The following VPS13D variants were observed in gnomAD, a reference collection of about 807,000 sequenced individuals.
VPS13D encodes the protein intermembrane lipid transfer protein VPS13D.
VPS13D carries 187 observed loss-of-function variants against 461.9 expected under a neutral mutation model. The observed-to-expected ratio is 0.40, with a 90% CI of 0.36 to 0.46. The LOEUF (loss-of-function observed/expected upper bound fraction) is 0.46. Ranked by LOEUF, VPS13D falls within the 20% of genes least tolerant of loss-of-function variation. VPS13D has a pLI of 0.60. For synonymous variants in VPS13D, 1,951 were observed against 1,986.3 expected, an observed-to-expected ratio of 0.98 and a Z score of 0.47; for missense variants, 4,711 against 5,364.9, an observed-to-expected ratio of 0.88 and a Z score of 3.81.
At chr1:12,499,839 A>T (rs1646012038) in intron 68 of VPS13D, 2 of 985,266 alleles carry the variant, frequency 2.0e-6, no homozygotes, top group East Asian at 1.1e-4. Context: ...TGGAGTGAAC[A>T]TTACACTCAT....
At chr1:12,285,990 T>C (rs4494148) in intron 21 of VPS13D, among the ~76,000 whole-genome samples, 4,399 of 47,326 alleles carry the variant, frequency 0.093, 64 homozygotes, top group Middle Eastern at 0.13. Flanking sequence ...TTCCTTTCCT[T>C]TCCTCTCCTC....
rs190819781 is a variant in VPS13D, at chr1:12,446,548, C to T, written c.12334-9450C>T. On this transcript the variant is annotated intron_variant, in intron 65 of 69. Coordinates refer to ENST00000620676, the MANE Select transcript of VPS13D (RefSeq NM_015378.4). ...TTTTGCCTGCTTTCTCTCTATAGTC[C>T]TCTTTCTCTCCATAGTCCTCTTTCT... 2.6e-5 allele frequency among the ~76,000 whole-genome samples: 4 copies of T among 152,214 alleles called. 1 individual carries two copies. The highest frequency in any genetic ancestry group is 5.9e-5 in the Non-Finnish European group (4 of 68,006).
chr1:12,434,621 A>G (rs1459905925), intron 65 of VPS13D, among the ~76,000 whole-genome samples: 2 of 152,064 alleles, frequency 1.3e-5, no homozygotes, highest in Non-Finnish European at 2.9e-5. Flanking sequence ...GCAGCAAACT[A>G]ACTTATTTAT....
intron 67 of VPS13D, among the ~76,000 whole-genome samples, chr1:12,488,782 G>T (rs1245368135): frequency 6.6e-6 from 1 of 152,026 alleles, no homozygotes; most frequent in African/African-American, 2.4e-5. Context: ...TACCAGAGAT[G>T]GTGTATTTCG....
At chr1:12,353,326 G>A (rs1404009893) in intron 46 of VPS13D, among the ~76,000 whole-genome samples, 1 of 151,998 alleles carries the variant, frequency 6.6e-6, no homozygotes, top group East Asian at 1.9e-4. Flanking sequence ...GAGGTCAGGA[G>A]ATCAAGACCA....
chr1:12,381,687 A>C (rs1234759962), intron 57 of VPS13D, among the ~76,000 whole-genome samples: 1 of 152,222 alleles, frequency 6.6e-6, no homozygotes, highest in Non-Finnish European at 1.5e-5. Context: ...TGTTCAAATA[A>C]GGCAGACGCC....
chr1:12,259,686 C>T (rs1046642788), intron 10 of VPS13D, among the ~76,000 whole-genome samples: 8 of 152,102 alleles, frequency 5.3e-5, no homozygotes, highest in African/African-American at 1.4e-4. Context: ...CAAGTAAAGA[C>T]GTAAAATCTC....
At chr1:12,304,835 G>C (rs893662595) in intron 26 of VPS13D, 107 bp downstream of exon 26, 4 of 1,095,430 alleles carry the variant, frequency 3.7e-6, no homozygotes, top group African/African-American at 1.6e-5. Context: ...TTAACGAAGA[G>C]ATAGCATTTC....
chr1:12,366,410 T>C (rs1644035471), intron 52 of VPS13D, among the ~76,000 whole-genome samples: 1 of 152,168 alleles, frequency 6.6e-6, no homozygotes, highest in African/African-American at 2.4e-5. Flanking sequence ...GCTCTAGCAC[T>C]CTCATCCCTA....
intron 62 of VPS13D, among the ~76,000 whole-genome samples, chr1:12,403,553 A>G (rs1644608364): frequency 6.6e-6 from 1 of 152,184 alleles, no homozygotes; most frequent in Non-Finnish European, 1.5e-5. Context: ...CATCTGGATG[A>G]TTTTTTCCAA....
intron 25 of VPS13D, among the ~76,000 whole-genome samples, chr1:12,302,757 C>CT (rs897201709): frequency 9.0e-5 from 13 of 145,206 alleles, no homozygotes; most frequent in East Asian, 2.0e-4. Flanking sequence ...TGCTTATTAA[C>CT]TTTTTTTTTT....
intron 1 of VPS13D, among the ~76,000 whole-genome samples, chr1:12,232,637 CTTTTT>C (rs772757546): frequency 2.3e-4 from 16 of 71,020 alleles, no homozygotes; most frequent in African/African-American, 6.6e-4. Context: ...TAAAATTAGT[CTTTTT>C]TTTTTTTTTT....
chr1:12,360,623 T>C (rs1367219858), intron 50 of VPS13D, among the ~76,000 whole-genome samples: 1 of 152,208 alleles, frequency 6.6e-6, no homozygotes, highest in East Asian at 1.9e-4. Context: ...ATAATGTTGA[T>C]TTCTGACAAT....
At chr1:12,438,662 T>C (rs547448146) in intron 65 of VPS13D, among the ~76,000 whole-genome samples, 1 of 152,278 alleles carries the variant, frequency 6.6e-6, no homozygotes, top group African/African-American at 2.4e-5. Context: ...TCCTCCTCCC[T>C]GGCAAAAGAA....
At chr1:12,303,658 G>A (rs1329295259) in intron 25 of VPS13D, among the ~76,000 whole-genome samples, 1 of 152,212 alleles carries the variant, frequency 6.6e-6, no homozygotes, top group Non-Finnish European at 1.5e-5. Flanking sequence ...TTCCAAAGCT[G>A]AGAGGAGTCA....
chr1:12,382,067 CTCTT>C (rs954638220), intron 57 of VPS13D, among the ~76,000 whole-genome samples: 3 of 147,086 alleles, frequency 2.0e-5, no homozygotes, highest in Non-Finnish European at 3.0e-5. Context: ...TTTCTTCTCT[CTCTT>C]TCTTTCTTTT....
chr1:12,278,965 C>T (rs1273048632), intron 19 of VPS13D, among the ~76,000 whole-genome samples: 2 of 152,148 alleles, frequency 1.3e-5, no homozygotes, highest in Admixed American at 1.3e-4. Context: ...AAATTAATGC[C>T]TTTGAGAACT....
At chr1:12,354,582 C>A (rs958803679) in intron 47 of VPS13D, among the ~76,000 whole-genome samples, 1 of 152,056 alleles carries the variant, frequency 6.6e-6, no homozygotes, top group Non-Finnish European at 1.5e-5. Flanking sequence ...CTTATCAAGC[C>A]GAAAGGTTTA....
At chr1:12,442,174 C>T (rs1441853139) in intron 65 of VPS13D, among the ~76,000 whole-genome samples, 1 of 152,016 alleles carries the variant, frequency 6.6e-6, no homozygotes, top group African/African-American at 2.4e-5. Flanking sequence ...TAGAAATTCT[C>T]TTGTCAGATT....
Sources: gnomAD v4.1 joint callset for allele counts (sites outside exome capture counted in the v4.1 genomes callset) on GRCh38, gnomAD v4.1.1 for gene constraint, MANE v1.5 for transcripts, NCBI Gene and HGNC (gene_info 2026-07-23, HGNC 2026-07-21) for gene names.